The following ELMO2 variants were observed in gnomAD, a reference collection of about 807,000 sequenced individuals.
ELMO2 encodes engulfment and cell motility protein 2.
ELMO2 carries 37 observed loss-of-function variants against 96.2 expected under a neutral mutation model. That is an observed-to-expected ratio of 0.38 (90% CI 0.30 to 0.51). ELMO2 has a LOEUF of 0.51. Among genes scored for constraint, ELMO2 ranks in the 20% least tolerant of loss-of-function variants. ELMO2 has a pLI of 0.88. For synonymous variants in ELMO2, 315 were observed against 329.4 expected, an observed-to-expected ratio of 0.96 and a Z score of 0.47; for missense variants, 561 against 912.6, an observed-to-expected ratio of 0.61 and a Z score of 4.96.
chr20:46,380,337 T>A (rs770206253), intron 10 of ELMO2, 34 bp from the exon 11 acceptor site: 2 of 1,583,028 alleles, frequency 1.3e-6, no homozygotes, highest in African/African-American at 2.7e-5. Context: ...TAAGGCAGGG[T>A]GGCAGGCACA....
intron 2 of ELMO2, among the ~76,000 whole-genome samples, chr20:46,395,561 A>T (rs1398969548): frequency 6.6e-6 from 1 of 152,232 alleles, no homozygotes; most frequent in East Asian, 1.9e-4. Flanking sequence ...CGTACAAAGC[A>T]TAGCTGTCGC....
At chr20:46,368,638 G>C (rs562193534) in intron 21 of ELMO2, among the ~76,000 whole-genome samples, 1 of 152,144 alleles carries the variant, frequency 6.6e-6, no homozygotes, top group Admixed American at 6.5e-5. Flanking sequence ...CACCCAATGC[G>C]CCTGGAGGAA....
rs1296983804 is a variant in ELMO2 at position 46,379,110 on chromosome 20, C to T, written c.807+1143G>A. Among the ~76,000 whole-genome samples, 4 of 152,112 alleles carry T rather than the reference C, an allele frequency of 2.6e-5. No individual in the cohort carries two copies. In the East Asian group the frequency reaches 5.8e-4, roughly 22 times the overall value. ...CGGGTTTCAAGCAATTCTCCTGCCT[C>T]AGCCTCCTGAGTAGCTGGGATTACA... On this transcript the variant is annotated intron_variant, in intron 11 of 21. Transcript: ENST00000290246.
At position 46,393,403 on chromosome 20, in the gene ELMO2, G is replaced by A. The variant is rs1238209441; in HGVS notation, c.192+126C>T. On this transcript the variant is annotated intron_variant, in intron 5 of 21. Transcript: ENST00000290246. The stretch of plus-strand genomic sequence containing the variant: ...GGGCTGGTGTTTCCCAGTCTGTCCG[G>A]AGAGTGACTCTTTACCCAACACATG... 2.7e-5 allele frequency: 30 copies of A among 1,124,752 alleles called. No homozygotes were observed. In the East Asian group the frequency reaches 6.8e-4, roughly 26 times the overall value. 69.7% of individuals were successfully genotyped at this position (1,124,752 alleles called of 1,614,324 possible). A position where few individuals can be genotyped will look rare whatever the true frequency, so the allele number is the denominator to read the frequency against.
chr20:46,395,969 G>A (rs947671418), intron 2 of ELMO2, among the ~76,000 whole-genome samples: 3 of 152,242 alleles, frequency 2.0e-5, no homozygotes, highest in African/African-American at 7.2e-5. Context: ...ACGGTTGACA[G>A]AACTTGGACT....
intron 6 of ELMO2, among the ~76,000 whole-genome samples, 194 bp downstream of exon 6, chr20:46,392,899 T>C (rs567588785): frequency 1.2e-4 from 18 of 152,288 alleles, no homozygotes; most frequent in African/African-American, 3.9e-4. Context: ...AGACAGGCCT[T>C]CTATTGCATT....
At chr20:46,370,704 C>T (rs1021249146) in intron 19 of ELMO2, among the ~76,000 whole-genome samples, 179 bp from the exon 20 acceptor site, 6 of 152,112 alleles carry the variant, frequency 3.9e-5, no homozygotes, top group Non-Finnish European at 8.8e-5. Context: ...CTGTTCCCTC[C>T]GTCTTGGTCA....
chr20:46,378,825 A>C (rs936343878), intron 11 of ELMO2, among the ~76,000 whole-genome samples: 6 of 152,248 alleles, frequency 3.9e-5, no homozygotes, highest in Admixed American at 2.6e-4. Context: ...CCAGATGAGC[A>C]AACTGAAGTC....
intron 11 of ELMO2, among the ~76,000 whole-genome samples, chr20:46,379,012 GAC>G (rs1425769950): frequency 6.6e-6 from 1 of 151,236 alleles, no homozygotes; most frequent in Non-Finnish European, 1.5e-5. Flanking sequence ...TTTTTTTTGA[GAC>G]AGAGTTTCGC....
At chr20:46,370,314 C>T in intron 20 of ELMO2, 129 bp downstream of exon 20, 2 of 893,070 alleles carry the variant, frequency 2.2e-6, no homozygotes, top group Non-Finnish European at 1.9e-6. Context: ...TGTGTATGTT[C>T]AAAATTCTTA....
At chr20:46,390,207 A>T (rs1453218737) in intron 6 of ELMO2, among the ~76,000 whole-genome samples, 1 of 152,180 alleles carries the variant, frequency 6.6e-6, no homozygotes, top group Non-Finnish European at 1.5e-5. Flanking sequence ...ACAGCAGAAG[A>T]GGTTTCTCTT....
At chr20:46,376,321 C>T (rs1031214887) in intron 11 of ELMO2, among the ~76,000 whole-genome samples, 52 of 152,190 alleles carry the variant, frequency 3.4e-4, no homozygotes, top group African/African-American at 1.2e-3. Flanking sequence ...CTACCAGCTC[C>T]CTCCCACGGC....
intron 11 of ELMO2, among the ~76,000 whole-genome samples, chr20:46,377,692 C>T (rs2059887845): frequency 6.6e-6 from 1 of 152,206 alleles, no homozygotes; most frequent in African/African-American, 2.4e-5. Context: ...TCCCTCCCTC[C>T]CCCTGAATCG....
intron 1 of ELMO2, among the ~76,000 whole-genome samples, chr20:46,405,114 C>T (rs1320567120): frequency 6.6e-6 from 1 of 152,128 alleles, no homozygotes; most frequent in African/African-American, 2.4e-5. Context: ...GAAGCAAAAC[C>T]GACACTATCT....
rs578114889 is a variant in ELMO2 at position 46,393,015 on chromosome 20, G to A, written c.243+78C>T. The A allele has an allele frequency of 2.1e-4, 263 of 1,275,600 alleles. 2 individuals carry two copies. The South Asian group carries it at 2.7e-3, about 13-fold the overall frequency. 79.0% of individuals were successfully genotyped at this position (1,275,600 alleles called of 1,614,324 possible). A position where few individuals can be genotyped will look rare whatever the true frequency, so the allele number is the denominator to read the frequency against. On this transcript the variant is annotated intron_variant, in intron 6 of 21. Transcript: ENST00000290246. ...CTTATCTCCAGAGTACTTATTTCTAGAACAGAGTCTGGCCCATGGTAGGTG... is the reference window on the plus strand; with the variant it reads ...CTTATCTCCAGAGTACTTATTTCTAAAACAGAGTCTGGCCCATGGTAGGTG...
At chr20:46,391,961 G>C (rs941325598) in intron 6 of ELMO2, among the ~76,000 whole-genome samples, 3 of 152,122 alleles carry the variant, frequency 2.0e-5, no homozygotes, top group African/African-American at 7.2e-5. Context: ...TTAAAACCAA[G>C]CTTCTTGATA....
At chr20:46,388,217 C>T (rs1568773566) in intron 7 of ELMO2, among the ~76,000 whole-genome samples, 1 of 152,204 alleles carries the variant, frequency 6.6e-6, no homozygotes, top group Non-Finnish European at 1.5e-5. Flanking sequence ...CAGTCTAACC[C>T]TGTACCCTTG....
chr20:46,394,885 A>G (rs2060217720), intron 2 of ELMO2, among the ~76,000 whole-genome samples: 1 of 152,214 alleles, frequency 6.6e-6, no homozygotes, highest in Non-Finnish European at 1.5e-5. Context: ...TCCGAGACAG[A>G]TAAGAATAGA....
chr20:46,401,305 G>A lies in ELMO2; in HGVS notation c.-125-2534C>T, dbSNP rs537331827. ...GGAGGATTTGACTGGCAGAGATTAA[G>A]GTTCTTATGTTTACTGCTGGAAGCC... On this transcript the variant is annotated intron_variant, in intron 1 of 21. Coordinates refer to ENST00000290246, the MANE Select transcript of ELMO2 (RefSeq NM_133171.5). 2.6e-5 allele frequency among the ~76,000 whole-genome samples: 4 copies of A among 152,298 alleles called. No homozygotes were observed. In the South Asian group the frequency reaches 8.3e-4, roughly 32 times the overall value.
Sources: gnomAD v4.1 joint callset for allele counts (sites outside exome capture counted in the v4.1 genomes callset) on GRCh38, gnomAD v4.1.1 for gene constraint, MANE v1.5 for transcripts, NCBI Gene and HGNC (gene_info 2026-07-23, HGNC 2026-07-21) for gene names.